TRIM38: variants seen among roughly 807,000 people sequenced by gnomAD.
TRIM38 encodes the protein E3 ubiquitin-protein ligase TRIM38.
Under a neutral mutation model 35.8 loss-of-function variants are expected in TRIM38, and 35 were observed. The observed-to-expected ratio is 0.98, with a 90% CI of 0.75 to 1.30. The LOEUF (loss-of-function observed/expected upper bound fraction) is 1.30. Among genes scored for constraint, TRIM38 ranks in the 50% most tolerant of loss-of-function variants. The pLI is 0.00. For synonymous variants in TRIM38, 198 were observed against 204.7 expected (o/e 0.97, Z 0.28); for missense variants, 545 against 556.9 (o/e 0.98, Z 0.21).
chr6:25,975,271 G>T, intron 7 of TRIM38: 1 of 358,764 alleles, frequency 2.8e-6, no homozygotes, highest in Non-Finnish European at 3.9e-6. Flanking sequence ...TTGCAGTGCC[G>T]CAATCTCAGC....
At position 25,986,628 on chromosome 6, in the gene TRIM38, C is replaced by T. The variant is rs1760715375; in HGVS notation, c.*2941C>T. On this transcript the variant is annotated 3_prime_UTR_variant, in exon 8 of 8. Transcript: ENST00000357085. ...TTTTAAGGAAAAGCAATTCATGTAC[C>T]CTTGAAGATTAGATTAAGTTCTATA... 6.6e-6 allele frequency: 1 copy of T among 151,332 alleles called. No individual in the cohort carries two copies. Among genetic ancestry groups the T allele is most frequent in the African/African-American group, 2.4e-5 (1 of 41,096 alleles). The allele number at this position is 151,332 out of a possible 1,614,324, so 9.4% of individuals were successfully genotyped here.
intron 4 of TRIM38, 78 bp downstream of exon 4, chr6:25,969,498 C>A: frequency 2.5e-6 from 3 of 1,216,536 alleles, no homozygotes; most frequent in Admixed American, 2.4e-5. Context: ...AGGAAAAGCA[C>A]AATGAGGATT....
rs528446655 is a variant in TRIM38, at chr6:25,966,819, G to T, written c.297G>T (p.Gln99His). The T allele has an allele frequency of 1.3e-4, 210 of 1,614,200 alleles. No individual in the cohort carries two copies. In the South Asian group the frequency reaches 2.3e-3, roughly 17 times the overall value. The change falls in exon 3 of 8, where the codon CAG becomes CAT. Residue 99 changes from glutamine to histidine, a missense_variant. Gln to His is a conservative substitution (Grantham distance 24). Coordinates refer to ENST00000357085, the MANE Select transcript of TRIM38 (RefSeq NM_006355.5). ...TGTCATGTGAGGAACACGGAGAGCA[G>T]TTCCACCTGTTCTGCGAAGACGAGG... is the stretch of plus-strand genomic sequence containing the variant. ...QEMSCEEHGEQFHLFCEDEGQ... is the reference protein window; with the variant it reads ...QEMSCEEHGEHFHLFCEDEGQ...
chr6:25,988,480 C>CT lies in TRIM38; in HGVS notation c.*4799dup, dbSNP rs1561906506. On this transcript the variant is annotated 3_prime_UTR_variant, in exon 8 of 8. Coordinates refer to ENST00000357085, the MANE Select transcript of TRIM38 (RefSeq NM_006355.5). Reference sequence around the variant, plus strand: ...GATCGTTTCTTTTCTTTTTCTTTTTCTTTTTTCTTTTCTTTCTTTTTTTTT... The same window carrying CT: ...GATCGTTTCTTTTCTTTTTCTTTTTCTTTTTTTCTTTTCTTTCTTTTTTTTT... 2 of 73,852 alleles carry CT rather than the reference C, an allele frequency of 2.7e-5. No individual in the cohort carries two copies. The highest frequency in any genetic ancestry group is 1.1e-4 in the African/African-American group (2 of 17,830). 4.6% of individuals were successfully genotyped at this position (73,852 alleles called of 1,614,324 possible).
chr6:25,973,528 C>G (rs2113599649), intron 7 of TRIM38: 1 of 980,092 alleles, frequency 1.0e-6, no homozygotes, highest in South Asian at 4.7e-5. Flanking sequence ...CCATGTTACT[C>G]CAAGTGACTT....
intron 7 of TRIM38, 127 bp from the exon 8 acceptor site, chr6:25,983,037 T>G: frequency 3.5e-5 from 31 of 875,498 alleles, no homozygotes; most frequent in Non-Finnish European, 4.9e-5. Flanking sequence ...TGCAGTGAGT[T>G]GAGATAGTGC....
chr6:25,985,619 A>T lies in TRIM38; in HGVS notation c.*1932A>T, dbSNP rs1760688663. 6.6e-6 allele frequency: 1 copy of T among 152,234 alleles called. No individual in the cohort carries two copies. The highest frequency in any genetic ancestry group is 1.9e-4 in the East Asian group (1 of 5,198). 9.4% of individuals were successfully genotyped at this position (152,234 alleles called of 1,614,324 possible). On this transcript the variant is annotated 3_prime_UTR_variant, in exon 8 of 8. Coordinates refer to ENST00000357085, the MANE Select transcript of TRIM38 (RefSeq NM_006355.5). ...GATTATCGCCAGTTGCACTTGTTCT[A>T]TATACCCGTAGTCTCGGTATGCTGA...
chr6:25,965,721 C>CAA (rs1760011509), intron 2 of TRIM38, among the ~76,000 whole-genome samples: 1 of 81,942 alleles, frequency 1.2e-5, no homozygotes, highest in East Asian at 4.4e-4. Flanking sequence ...GTCAAGAGAT[C>CAA]GAGCCAACCA....
At chr6:25,965,335 T>G (rs1759991283) in intron 2 of TRIM38, among the ~76,000 whole-genome samples, 1 of 152,236 alleles carries the variant, frequency 6.6e-6, no homozygotes, top group Non-Finnish European at 1.5e-5. Flanking sequence ...ACAGAAAAAC[T>G]GAATTTTTTC....
At chr6:25,964,855 A>C (rs1475607205) in intron 2 of TRIM38, among the ~76,000 whole-genome samples, 1 of 148,968 alleles carries the variant, frequency 6.7e-6, no homozygotes, top group East Asian at 2.0e-4. Flanking sequence ...TCTTTCACCC[A>C]GGCTGGAGTG....
intron 7 of TRIM38, chr6:25,974,842 C>A: frequency 1.0e-6 from 1 of 968,132 alleles, no homozygotes; most frequent in South Asian, 4.8e-5. Context: ...GTGTTCCCCT[C>A]AAATACACAA....
intron 4 of TRIM38, among the ~76,000 whole-genome samples, chr6:25,970,195 C>T (rs375338369): frequency 2.6e-4 from 39 of 152,232 alleles, no homozygotes; most frequent in East Asian, 1.5e-3. Flanking sequence ...GGATTACAGG[C>T]GTGAGCCACT....
rs1760760568 is a variant in TRIM38, at chr6:25,988,036, A to G, written c.*4349A>G. On this transcript the variant is annotated 3_prime_UTR_variant, in exon 8 of 8. Transcript: ENST00000357085. Reference sequence around the variant, plus strand: ...AAGCACCTCTCCATAAGACACGCCCACCAGCGCCATGTCAGTTTTTCGTTG... The same window carrying G: ...AAGCACCTCTCCATAAGACACGCCCGCCAGCGCCATGTCAGTTTTTCGTTG... 6.6e-6 allele frequency: 1 copy of G among 152,222 alleles called. No homozygotes were observed. Among genetic ancestry groups the G allele is most frequent in the African/African-American group, 2.4e-5 (1 of 41,454 alleles). 9.4% of individuals were successfully genotyped at this position (152,222 alleles called of 1,614,324 possible).
At chr6:25,972,149 T>G in intron 5 of TRIM38, 50 bp downstream of exon 5, 1 of 1,487,050 alleles carries the variant, frequency 6.7e-7, no homozygotes, top group Non-Finnish European at 9.3e-7. Flanking sequence ...ATAGTGCTAT[T>G]AAAGGAGAAT....
At position 25,990,008 on chromosome 6, in the gene TRIM38, C is replaced by CTTTTTTTTTTTTTTTTTT. The variant is rs56248041; in HGVS notation, c.*6334_*6335insTTTTTTTTTTTTTTTTTT. On this transcript the variant is annotated 3_prime_UTR_variant, in exon 8 of 8. Transcript: ENST00000357085. Reference sequence around the variant, plus strand: ...TTTCAATATTGTCTACTTTATCATCCTTTTTTTTTTTTTCTTTCTTCCTTT... The same window carrying CTTTTTTTTTTTTTTTTTT: ...TTTCAATATTGTCTACTTTATCATCCTTTTTTTTTTTTTTTTTTTTTTTTTTTTTTTCTTTCTTCCTTT... 1 of 143,504 alleles carries CTTTTTTTTTTTTTTTTTT rather than the reference C, an allele frequency of 7.0e-6. No individual in the cohort carries two copies. The allele number at this position is 143,504 out of a possible 1,614,324, so 8.9% of individuals were successfully genotyped here. A position where few individuals can be genotyped will look rare whatever the true frequency, so the allele number is the denominator to read the frequency against.
chr6:25,979,666 T>C (rs1581608250), intron 7 of TRIM38, among the ~76,000 whole-genome samples: 1 of 151,852 alleles, frequency 6.6e-6, no homozygotes, highest in East Asian at 1.9e-4. Flanking sequence ...TTTTTCCTCT[T>C]TATTGCATTC....
chr6:25,987,197 G>GTA lies in TRIM38; in HGVS notation c.*3511_*3512dup, dbSNP rs1760731751. The stretch of plus-strand genomic sequence containing the variant: ...TCATTGATATAAAAGCTTAACAAAG[G>GTA]TACTCCCCGCCCCCCGCCCGCCACA... On this transcript the variant is annotated 3_prime_UTR_variant, in exon 8 of 8. Coordinates refer to ENST00000357085, the MANE Select transcript of TRIM38 (RefSeq NM_006355.5). The GTA allele has an allele frequency of 3.5e-5, 3 of 86,328 alleles. No individual in the cohort carries two copies. Among genetic ancestry groups the GTA allele is most frequent in the Non-Finnish European group, 7.4e-5 (3 of 40,548 alleles). The allele number at this position is 86,328 out of a possible 1,614,324, so 5.3% of individuals were successfully genotyped here.
intron 5 of TRIM38, among the ~76,000 whole-genome samples, chr6:25,972,432 T>C (rs1021357336): frequency 6.6e-6 from 1 of 152,196 alleles, no homozygotes; most frequent in Non-Finnish European, 1.5e-5. Context: ...AAATGAGTGA[T>C]AACCTTTTCC....
chr6:25,981,995 T>C (rs1760556251), intron 7 of TRIM38, among the ~76,000 whole-genome samples: 1 of 152,202 alleles, frequency 6.6e-6, no homozygotes, highest in Non-Finnish European at 1.5e-5. Flanking sequence ...GAAGCAGGAC[T>C]GGCTTGTCTG....
Sources: allele counts gnomAD v4.1 joint callset (sites outside exome capture counted in the v4.1 genomes callset), GRCh38; gene constraint gnomAD v4.1.1; transcripts MANE v1.5; gene names NCBI Gene and HGNC (gene_info 2026-07-23, HGNC 2026-07-21).